Variants in CAPRIN1 observed in about 807,000 individuals in gnomAD.
The protein encoded by CAPRIN1 is cell cycle associated protein 1.
CAPRIN1 carries 29 observed loss-of-function variants against 100.9 expected under a neutral mutation model. That is an observed-to-expected ratio of 0.29 (90% CI 0.21 to 0.39). The LOEUF (loss-of-function observed/expected upper bound fraction) is 0.39. CAPRIN1 is among the 10% of genes least tolerant of loss of function. The probability of loss-of-function intolerance (pLI) is 1.00; values close to 1 mark genes in which losing one functional copy is unlikely to be tolerated. For synonymous variants in CAPRIN1, 338 were observed against 307.5 expected, an observed-to-expected ratio of 1.10 and a Z score of -1.04; for missense variants, 795 against 876.7, an observed-to-expected ratio of 0.91 and a Z score of 1.18.
At position 34,082,835 on chromosome 11, in the gene CAPRIN1, A is replaced by G. The variant is rs1851060658; in HGVS notation, c.837A>G (p.Pro279=). The change falls in exon 8 of 19, where the codon CCA becomes CCG. Residue 279 remains proline (P), a synonymous_variant. Transcript: ENST00000341394. ...TTTTTAACCTCTTAGAACCTGAGCC[A>G]GCAGAAGAGTACACTGAGCAAAGTG... ...EDQVPEAEPE[P]AEEYTEQSEV... The G allele has an allele frequency of 6.2e-7, 1 of 1,613,636 alleles. No homozygotes were observed. Among genetic ancestry groups the G allele is most frequent in the South Asian group, 1.1e-5 (1 of 91,060 alleles).
At chr11:34,079,886 A>T in intron 7 of CAPRIN1, 121 bp downstream of exon 7, 1 of 805,798 alleles carries the variant, frequency 1.2e-6, no homozygotes, top group Non-Finnish European at 1.8e-6. Flanking sequence ...ATTTTTAAAG[A>T]GACTTTAAGC....
At chr11:34,078,083 A>C (rs56973150) in intron 6 of CAPRIN1, among the ~76,000 whole-genome samples, 2 of 152,154 alleles carry the variant, frequency 1.3e-5, no homozygotes, top group Admixed American at 1.3e-4. Flanking sequence ...TAACATCTTT[A>C]CAATGGAAAG....
rs754636071 is a variant in CAPRIN1 at position 34,092,067 on chromosome 11, C to T, written c.1705+11C>T. ...AACAGCTTCAAACAGGTACGAAATC[C>T]AGTGTCACCTCATTGGCTCCTTGCT... On this transcript the variant is annotated intron_variant, in intron 15 of 18. Transcript: ENST00000341394. The T allele has an allele frequency of 5.6e-6, 9 of 1,612,032 alleles. No homozygotes were observed. The African/African-American group carries it at 1.2e-4, about 22-fold the overall frequency.
chr11:34,085,777 C>T (rs905018524), intron 9 of CAPRIN1, among the ~76,000 whole-genome samples: 15 of 151,866 alleles, frequency 9.9e-5, no homozygotes, highest in Admixed American at 8.5e-4. Flanking sequence ...GCTGTCCAGC[C>T]TGGGTTACAG....
intron 2 of CAPRIN1, among the ~76,000 whole-genome samples, chr11:34,058,017 G>A (rs1328019835): frequency 6.6e-6 from 1 of 152,118 alleles, no homozygotes. Context: ...ACCATGTCCG[G>A]CCTAAGAGTT....
chr11:34,052,377 T>C, intron 1 of CAPRIN1, 44 bp from the exon 2 acceptor site: 2 of 1,523,142 alleles, frequency 1.3e-6, no homozygotes, highest in Non-Finnish European at 1.8e-6. Context: ...TGGCCGCTCT[T>C]GTCCTTCCTC....
Position 34,076,338 on chromosome 11 carries a change from G to A in CAPRIN1, c.469G>A (p.Asp157Asn). ...TGTACTTGAGCTACAGTATGTTTTG[G>A]ACAAATTGGGAGATGATGAAGTGCG... ...KTVLELQYVL[D>N]KLGDDEVRTD... Residue 157 changes from aspartate to asparagine, a missense_variant, in exon 5 of 19, where the codon GAC (aspartate) becomes AAC (asparagine). Physicochemically the swap from Asp to Asn is conservative, Grantham distance 23. This residue lies in a region of CAPRIN1 where 648 missense variants were observed against 697.9 expected (regional missense o/e 0.93). Coordinates refer to ENST00000341394, the MANE Select transcript of CAPRIN1 (RefSeq NM_005898.5). 6.2e-7 allele frequency: 1 copy of A among 1,614,206 alleles called. No homozygotes were observed. The highest frequency in any genetic ancestry group is 2.2e-5 in the East Asian group (1 of 44,884).
At position 34,076,634 on chromosome 11, in the gene CAPRIN1, G is replaced by A; in HGVS notation, c.680G>A (p.Gly227Glu). 1 of 1,607,034 alleles carries A rather than the reference G, an allele frequency of 6.2e-7. No individual in the cohort carries two copies. The highest frequency in any genetic ancestry group is 8.5e-7 in the Non-Finnish European group (1 of 1,173,668). The stretch of plus-strand genomic sequence containing the variant: ...GAAGGGAAGGAAAAACCTGTATGTG[G>A]AACCACCTGTGAGTATCACTGTGAT... ...LLEGKEKPVCGTTYKVLKEIV... is the reference protein window; with the variant it reads ...LLEGKEKPVCETTYKVLKEIV... The change falls in exon 6 of 19, where the codon GGA (glycine) becomes GAA (glutamate). Residue 227 changes from glycine (G) to glutamate (E), a missense_variant. Gly to Glu is a moderately conservative substitution (Grantham distance 98). Around this residue, in one of 3 missense-constraint regions of CAPRIN1, gnomAD observed 648 missense variants for 697.9 expected, o/e 0.93. Coordinates refer to ENST00000341394, the MANE Select transcript of CAPRIN1 (RefSeq NM_005898.5).
At chr11:34,097,551 A>G (rs1851390852) in intron 17 of CAPRIN1, 147 bp from the exon 18 acceptor site, 1 of 822,902 alleles carries the variant, frequency 1.2e-6, no homozygotes, top group East Asian at 2.6e-5. Context: ...TACAACAATT[A>G]CAGAACAAGG....
chr11:34,054,669 C>T (rs1461870246), intron 2 of CAPRIN1, among the ~76,000 whole-genome samples: 1 of 152,096 alleles, frequency 6.6e-6, no homozygotes, highest in African/African-American at 2.4e-5. Flanking sequence ...CCTCCTGATC[C>T]GCCCGCCTTG....
intron 7 of CAPRIN1, among the ~76,000 whole-genome samples, chr11:34,080,210 A>C (rs1013144011): frequency 6.6e-6 from 1 of 152,326 alleles, no homozygotes; most frequent in East Asian, 1.9e-4. Flanking sequence ...GGCGTGAGCC[A>C]CTGCGCCCGG....
chr11:34,067,590 C>T lies in CAPRIN1; in HGVS notation c.217-4136C>T, dbSNP rs367877393. 9.6e-4 allele frequency among the ~76,000 whole-genome samples: 146 copies of T among 151,818 alleles called. 1 individual carries two copies. In the South Asian group the frequency reaches 0.029, roughly 30 times the overall value. On this transcript the variant is annotated intron_variant, in intron 2 of 18. Coordinates refer to ENST00000341394, the MANE Select transcript of CAPRIN1 (RefSeq NM_005898.5). ...CATCACGACTTCCGACTTGTGGTCT[C>T]GTGATCATCCTGTCTCAGCCTCCCA...
intron 6 of CAPRIN1, 51 bp from the exon 7 acceptor site, chr11:34,079,577 C>T: frequency 4.7e-6 from 7 of 1,500,196 alleles, no homozygotes; most frequent in Non-Finnish European, 6.4e-6. Context: ...CTTCTTCAAG[C>T]CAGGCATCCT....
At chr11:34,088,629 C>T (rs558633388) in intron 11 of CAPRIN1, among the ~76,000 whole-genome samples, 8 of 152,176 alleles carry the variant, frequency 5.3e-5, no homozygotes, top group East Asian at 3.9e-4. Context: ...GCTATGATGG[C>T]GCCACTGCAC....
chr11:34,083,637 A>G (rs1161955884), intron 9 of CAPRIN1, among the ~76,000 whole-genome samples: 1 of 152,228 alleles, frequency 6.6e-6, no homozygotes, highest in Non-Finnish European at 1.5e-5. Flanking sequence ...GATACAGTCT[A>G]AAAACCTTAC....
Position 34,086,086 on chromosome 11 carries a change from A to G in CAPRIN1, c.989A>G (p.Gln330Arg), listed in dbSNP as rs1169119505. ...TVEVVNSLQQ[Q>R]PQAASPSVPE... The stretch of plus-strand genomic sequence containing the variant: ...TAGGTGGTAAATTCACTCCAGCAGC[A>G]ACCTCAGGCTGCATCCCCTTCAGTA... The change falls in exon 10 of 19, where the codon CAA becomes CGA. Residue 330 changes from glutamine (Q) to arginine (R), a missense_variant. Physicochemically the swap from Gln to Arg is conservative, Grantham distance 43 (BLOSUM62 1). This residue lies in a region of CAPRIN1 where 648 missense variants were observed against 697.9 expected (regional missense o/e 0.93). Coordinates refer to ENST00000341394, the MANE Select transcript of CAPRIN1 (RefSeq NM_005898.5). 1.2e-6 allele frequency: 2 copies of G among 1,613,764 alleles called. No individual in the cohort carries two copies. Among genetic ancestry groups the G allele is most frequent in the Admixed American group, 1.7e-5 (1 of 59,934 alleles).
At chr11:34,063,512 A>G (rs1387704307) in intron 2 of CAPRIN1, 1 of 152,256 alleles carries the variant, frequency 6.6e-6, no homozygotes, top group African/African-American at 2.4e-5. Flanking sequence ...AAGAAACAGG[A>G]TATAGAGCGA....
chr11:34,088,130 GT>G (rs979932884), intron 11 of CAPRIN1, among the ~76,000 whole-genome samples: 75 of 152,164 alleles, frequency 4.9e-4, no homozygotes, highest in African/African-American at 1.8e-3. Flanking sequence ...AGCCTCCCCA[GT>G]AGCTGAAAGT....
At position 34,054,484 on chromosome 11, in the gene CAPRIN1, A is replaced by G. The variant is rs527891022; in HGVS notation, c.216+1848A>G. Among the ~76,000 whole-genome samples the G allele has an allele frequency of 5.3e-5, 8 of 151,936 alleles. No individual in the cohort carries two copies. In the South Asian group the frequency reaches 1.2e-3, roughly 24 times the overall value. On this transcript the variant is annotated intron_variant, in intron 2 of 18. Coordinates refer to ENST00000341394, the MANE Select transcript of CAPRIN1 (RefSeq NM_005898.5). ...ATCTTTTTGCCCAGGCTGGAGTACA[A>G]TGGCGCGATCTCAGCTCACTGCAAC...
Sources: gnomAD v4.1 joint callset for allele counts (sites outside exome capture counted in the v4.1 genomes callset) on GRCh38, gnomAD v4.1.1 for gene constraint, gnomAD v4.1.1 regional missense constraint, MANE v1.5 for transcripts, NCBI Gene and HGNC (gene_info 2026-07-23, HGNC 2026-07-21) for gene names.